Variants in THRB observed in about 807,000 individuals in gnomAD.
THRB encodes the protein thyroid hormone receptor beta, also known as nuclear receptor subfamily 1 group A member 2.
A neutral mutation model predicts 47.8 loss-of-function variants in THRB; 12 were observed. That is an observed-to-expected ratio of 0.25 (90% CI 0.16 to 0.41). The LOEUF is 0.41. Among genes scored for constraint, THRB ranks in the 10% least tolerant of loss-of-function variants. The probability of loss-of-function intolerance (pLI) is 1.00; values close to 1 mark genes in which losing one functional copy is unlikely to be tolerated. For missense variants in THRB, 348 were observed against 589.2 expected, an observed-to-expected ratio of 0.59 and a Z score of 4.24; for synonymous variants, 218 against 212.2, an observed-to-expected ratio of 1.03 and a Z score of -0.24.
At chr3:24,446,573 AAAAG>A (rs57953837) in intron 1 of THRB, among the ~76,000 whole-genome samples, 70,178 of 132,146 alleles carry the variant, frequency 0.53, 18,123 homozygotes, top group East Asian at 0.69. Context: ...AAAAAAAAAA[AAAAG>A]AAAGAAAGAA....
intron 3 of THRB, among the ~76,000 whole-genome samples, chr3:24,285,733 T>G (rs1340564224): frequency 6.6e-6 from 1 of 152,208 alleles, no homozygotes; most frequent in Non-Finnish European, 1.5e-5. Flanking sequence ...TGCTATCATA[T>G]AAACAATTGC....
At chr3:24,302,739 C>T (rs2057039612) in intron 2 of THRB, among the ~76,000 whole-genome samples, 1 of 152,226 alleles carries the variant, frequency 6.6e-6, no homozygotes, top group Admixed American at 6.5e-5. Context: ...CCCCATAGCA[C>T]TTGCCACCAT....
intron 4 of THRB, among the ~76,000 whole-genome samples, chr3:24,213,427 A>G (rs1316721464): frequency 6.6e-6 from 1 of 152,180 alleles, no homozygotes. Flanking sequence ...TTGGAAGGAG[A>G]GGAAACTTAT....
At chr3:24,225,997 A>G (rs1396125596) in intron 4 of THRB, among the ~76,000 whole-genome samples, 3 of 152,210 alleles carry the variant, frequency 2.0e-5, no homozygotes, top group Non-Finnish European at 4.4e-5. Context: ...CAAAAAATAA[A>G]CAATTATTCA....
chr3:24,223,850 A>T (rs1226727381), intron 4 of THRB, among the ~76,000 whole-genome samples: 1 of 152,162 alleles, frequency 6.6e-6, no homozygotes, highest in African/African-American at 2.4e-5. Context: ...CAAACAGGTT[A>T]AGTTATAAAA....
chr3:24,280,774 G>T (rs908407712), intron 3 of THRB, among the ~76,000 whole-genome samples: 1 of 152,112 alleles, frequency 6.6e-6, no homozygotes, highest in African/African-American at 2.4e-5. Context: ...CAAGGCTCGA[G>T]AACTACGTGA....
At chr3:24,261,656 C>G (rs961729592) in intron 3 of THRB, among the ~76,000 whole-genome samples, 1 of 152,120 alleles carries the variant, frequency 6.6e-6, no homozygotes, top group Non-Finnish European at 1.5e-5. Flanking sequence ...TTTCTCCAAT[C>G]AGACTTAGTT....
In THRB at chr3:24,122,749, A is replaced by G. The variant is rs2031919086; in HGVS notation, c.*135T>C. On this transcript the variant is annotated 3_prime_UTR_variant, in exon 11 of 11. Coordinates refer to ENST00000646209, the MANE Select transcript of THRB (RefSeq NM_001354712.2). ...TCAAGGGGCAATTTCATCCATGTCT[A>G]TGCCAAGGACTACTTCCCTTTTCCC... 4 of 1,263,978 alleles carry G rather than the reference A, an allele frequency of 3.2e-6. No homozygotes were observed. The highest frequency in any genetic ancestry group is 1.3e-5 in the South Asian group (1 of 79,702). 78.3% of individuals were successfully genotyped at this position (1,263,978 alleles called of 1,614,324 possible).
At chr3:24,355,197 T>G (rs553672229) in intron 1 of THRB, among the ~76,000 whole-genome samples, 25 of 152,218 alleles carry the variant, frequency 1.6e-4, no homozygotes, top group African/African-American at 6.0e-4. Context: ...ATGTGGTGTT[T>G]CCTTCCAAAG....
intron 3 of THRB, among the ~76,000 whole-genome samples, chr3:24,281,961 G>C (rs1321491131): frequency 1.4e-3 from 200 of 146,372 alleles, no homozygotes; most frequent in African/African-American, 4.5e-3. Flanking sequence ...TACAAAGAGA[G>C]TTAGACTCCC....
At chr3:24,194,648 C>T (rs746969415) in intron 4 of THRB, among the ~76,000 whole-genome samples, 1 of 152,142 alleles carries the variant, frequency 6.6e-6, no homozygotes, top group African/African-American at 2.4e-5. Context: ...CTTTGATTGA[C>T]ACAACACTGA....
intron 1 of THRB, among the ~76,000 whole-genome samples, chr3:24,483,716 G>A (rs1202964588): frequency 6.6e-6 from 1 of 152,170 alleles, no homozygotes; most frequent in Non-Finnish European, 1.5e-5. Context: ...AGATAGGAGG[G>A]TGGTATGGCA....
At chr3:24,461,849 G>A (rs779314181) in intron 1 of THRB, among the ~76,000 whole-genome samples, 1 of 152,046 alleles carries the variant, frequency 6.6e-6, no homozygotes, top group South Asian at 2.1e-4. Flanking sequence ...TTCCCAAATG[G>A]TCATCAATGA....
intron 1 of THRB, among the ~76,000 whole-genome samples, chr3:24,372,312 T>C (rs1176200735): frequency 6.6e-6 from 1 of 152,084 alleles, no homozygotes; most frequent in Non-Finnish European, 1.5e-5. Flanking sequence ...AGAGTTAGGA[T>C]GAGATGTACA....
intron 3 of THRB, among the ~76,000 whole-genome samples, chr3:24,243,162 C>G (rs982861537): frequency 6.6e-6 from 1 of 151,076 alleles, no homozygotes. Flanking sequence ...TGTAAAGCAG[C>G]GTGGGTGATT....
intron 6 of THRB, among the ~76,000 whole-genome samples, chr3:24,151,518 T>C (rs748288302): frequency 6.6e-6 from 1 of 152,240 alleles, no homozygotes; most frequent in South Asian, 2.1e-4. Flanking sequence ...AAAGACAAGG[T>C]ATTTAACAAG....
chr3:24,383,263 C>T (rs959217965), intron 1 of THRB, among the ~76,000 whole-genome samples: 2 of 152,022 alleles, frequency 1.3e-5, no homozygotes, highest in African/African-American at 4.8e-5. Flanking sequence ...GTCTCTTTCC[C>T]CATTTATCTA....
chr3:24,270,974 A>T (rs532634979), intron 3 of THRB, among the ~76,000 whole-genome samples: 2 of 152,322 alleles, frequency 1.3e-5, no homozygotes, highest in South Asian at 4.1e-4. Context: ...CCTTTCCAAA[A>T]TACCTTCTCC....
At chr3:24,390,794 AAAAAT>A (rs1560084172) in intron 1 of THRB, among the ~76,000 whole-genome samples, 1 of 71,220 alleles carries the variant, frequency 1.4e-5, no homozygotes, top group Non-Finnish European at 3.0e-5. Context: ...TAAAAAAAAA[AAAAAT>A]ATATATATAT....
Sources: gnomAD v4.1 joint callset for allele counts (sites outside exome capture counted in the v4.1 genomes callset) on GRCh38, gnomAD v4.1.1 for gene constraint, MANE v1.5 for transcripts, NCBI Gene and HGNC (gene_info 2026-07-23, HGNC 2026-07-21) for gene names.